The following SERTAD2 variants were observed in gnomAD, a reference collection of about 807,000 sequenced individuals.
The protein encoded by SERTAD2 is SERTA domain-containing protein 2.
A neutral mutation model predicts 15.4 loss-of-function variants in SERTAD2; 2 were observed. The observed-to-expected ratio is 0.13, with a 90% CI of 0.05 to 0.41. The LOEUF is 0.41. SERTAD2 is among the 10% of genes least tolerant of loss of function. The pLI, the probability that SERTAD2 is intolerant of heterozygous loss-of-function variation, is 0.99. For synonymous variants in SERTAD2, 180 were observed against 178.0 expected (o/e 1.01, Z -0.09); for missense variants, 333 against 409.7 (o/e 0.81, Z 1.62).
At chr2:64,644,733 G>C (rs1674857690) in intron 1 of SERTAD2, 1 of 152,352 alleles carries the variant, frequency 6.6e-6, no homozygotes. Context: ...GATACTGGCA[G>C]AATCAGAAAG....
chr2:64,636,887 A>G lies in SERTAD2; in HGVS notation c.-4-12T>C, dbSNP rs1199802663. The G allele has an allele frequency of 6.4e-7, 1 of 1,558,690 alleles. No homozygotes were observed. Among genetic ancestry groups the G allele is most frequent in the Non-Finnish European group, 8.8e-7 (1 of 1,139,402 alleles). ...TACCCAACATATATCTGCAGAGGGG[A>G]GAGAGAGGAAATGGCATTAATCACA... is the stretch of plus-strand genomic sequence containing the variant. On this transcript the variant is annotated splice_polypyrimidine_tract_variant and intron_variant, in intron 1 of 1. Coordinates refer to ENST00000313349, the MANE Select transcript of SERTAD2 (RefSeq NM_014755.3).
At chr2:64,645,974 C>T (rs935878589) in intron 1 of SERTAD2, among the ~76,000 whole-genome samples, 2 of 152,004 alleles carry the variant, frequency 1.3e-5, no homozygotes, top group African/African-American at 4.8e-5. Flanking sequence ...GCTTTGTTTT[C>T]TCAGTTTTAA....
At chr2:64,645,404 C>T (rs1384787779) in intron 1 of SERTAD2, among the ~76,000 whole-genome samples, 2 of 152,138 alleles carry the variant, frequency 1.3e-5, no homozygotes, top group African/African-American at 2.4e-5. Flanking sequence ...AAAAAAAAGC[C>T]TGACGATACA....
intron 1 of SERTAD2, among the ~76,000 whole-genome samples, chr2:64,643,196 T>C (rs1674813134): frequency 6.6e-6 from 1 of 152,226 alleles, no homozygotes; most frequent in Admixed American, 6.5e-5. Context: ...GTTTGTACCT[T>C]GTGTACGTTT....
Position 64,636,716 on chromosome 2 carries a change from C to T in SERTAD2, c.156G>A (p.Arg52=), listed in dbSNP as rs1448878548. 1 of 1,614,028 alleles carries T rather than the reference C, an allele frequency of 6.2e-7. No homozygotes were observed. The highest frequency in any genetic ancestry group is 8.5e-7 in the Non-Finnish European group (1 of 1,180,016). ...NISLMKLYNH[R]PLTEPSLQKT... is the part of the protein sequence containing the mutation. ...TTTGCAAGCTGGGCTCTGTCAGGGGCCTGTGGTTATAGAGTTTCATAAGGG... is the reference window on the plus strand; with the variant it reads ...TTTGCAAGCTGGGCTCTGTCAGGGGTCTGTGGTTATAGAGTTTCATAAGGG... The change falls in exon 2 of 2, where the codon AGG becomes AGA. Residue 52 remains arginine, a synonymous_variant. Coordinates refer to ENST00000313349, the MANE Select transcript of SERTAD2 (RefSeq NM_014755.3).
At chr2:64,637,512 G>A (rs928461812) in intron 1 of SERTAD2, among the ~76,000 whole-genome samples, 5 of 152,142 alleles carry the variant, frequency 3.3e-5, no homozygotes, top group Non-Finnish European at 5.9e-5. Flanking sequence ...CTGAGCCGCC[G>A]CCACTTTTCA....
chr2:64,632,569 C>T lies in SERTAD2; in HGVS notation c.*3358G>A, dbSNP rs986412256. Reference sequence around the variant, plus strand: ...CTCCTTCTGTCATCCAGAGAAAGTGCTACTAAAAAAACTTTAAAAAATATC... The same window carrying T: ...CTCCTTCTGTCATCCAGAGAAAGTGTTACTAAAAAAACTTTAAAAAATATC... On this transcript the variant is annotated 3_prime_UTR_variant, in exon 2 of 2. Coordinates refer to ENST00000313349, the MANE Select transcript of SERTAD2 (RefSeq NM_014755.3). 2 of 152,484 alleles carry T rather than the reference C, an allele frequency of 1.3e-5. No homozygotes were observed. The highest frequency in any genetic ancestry group is 4.8e-5 in the African/African-American group (2 of 41,408). The allele number at this position is 152,484 out of a possible 1,614,324, so 9.4% of individuals were successfully genotyped here. A position where few individuals can be genotyped will look rare whatever the true frequency, so the allele number is the denominator to read the frequency against.
intron 1 of SERTAD2, chr2:64,646,721 T>A (rs1002172964): frequency 2.6e-5 from 4 of 152,216 alleles, no homozygotes; most frequent in African/African-American, 9.7e-5. Context: ...GTACTGTGTA[T>A]AGGAAAGGTT....
intron 1 of SERTAD2, among the ~76,000 whole-genome samples, chr2:64,651,576 A>C (rs1675010261): frequency 6.6e-6 from 1 of 152,230 alleles, no homozygotes; most frequent in Non-Finnish European, 1.5e-5. Flanking sequence ...TACTAGGCTC[A>C]TTATCAGTAA....
Position 64,652,006 on chromosome 2 carries a change from T to A in SERTAD2, c.-5+1614A>T, listed in dbSNP as rs527568111. Among the ~76,000 whole-genome samples the A allele has an allele frequency of 2.0e-5, 3 of 151,834 alleles. No homozygotes were observed. The South Asian group carries it at 6.2e-4, about 32-fold the overall frequency. On this transcript the variant is annotated intron_variant, in intron 1 of 1. Transcript: ENST00000313349. ...GAAACAAGTAAAAAAAAAAAACTGT[T>A]AAAGGATTCCAAACTTAATGAACGA... is the stretch of plus-strand genomic sequence containing the variant.
chr2:64,633,668 G>A lies in SERTAD2; in HGVS notation c.*2259C>T, dbSNP rs1674585733. 1 of 152,198 alleles carries A rather than the reference G, an allele frequency of 6.6e-6. No homozygotes were observed. The highest frequency in any genetic ancestry group is 2.4e-5 in the African/African-American group (1 of 41,452). The allele number at this position is 152,198 out of a possible 1,614,324, so 9.4% of individuals were successfully genotyped here. ...AGCTCTTAAAATTAACAGGCATACTGACACTGGAAGCATCTACTACAACCC... is the reference window on the plus strand; with the variant it reads ...AGCTCTTAAAATTAACAGGCATACTAACACTGGAAGCATCTACTACAACCC... On this transcript the variant is annotated 3_prime_UTR_variant, in exon 2 of 2. Transcript: ENST00000313349.
intron 1 of SERTAD2, among the ~76,000 whole-genome samples, chr2:64,651,835 A>G (rs1325437078): frequency 6.6e-6 from 1 of 152,182 alleles, no homozygotes; most frequent in Non-Finnish European, 1.5e-5. Context: ...TTGGCTTTAC[A>G]AAATGTGAGT....
At chr2:64,652,828 C>T (rs1045349254) in intron 1 of SERTAD2, among the ~76,000 whole-genome samples, 12 of 135,366 alleles carry the variant, frequency 8.9e-5, no homozygotes, top group African/African-American at 3.4e-4. Context: ...CAATCTATTA[C>T]TACCACTTCT....
intron 1 of SERTAD2, chr2:64,646,634 C>T (rs1674908124): frequency 6.6e-6 from 1 of 152,238 alleles, no homozygotes; most frequent in Admixed American, 6.5e-5. Flanking sequence ...CAGGTATCCA[C>T]AGGACACTGC....
chr2:64,641,576 C>T (rs1210947522), intron 1 of SERTAD2, among the ~76,000 whole-genome samples: 2 of 152,078 alleles, frequency 1.3e-5, no homozygotes, highest in East Asian at 1.9e-4. Flanking sequence ...ACTGAATACA[C>T]GAACAGTAAG....
At position 64,636,613 on chromosome 2, in the gene SERTAD2, T is replaced by G. The variant is rs1573082059; in HGVS notation, c.259A>C (p.Thr87Pro). ...KQEGSLRPMFTPSSQPTTEPS... is the reference protein window; with the variant it reads ...KQEGSLRPMFPPSSQPTTEPS... The stretch of plus-strand genomic sequence containing the variant: ...TCGGTGGTGGGCTGGGAGGAGGGGG[T>G]GAACATGGGCCTCAGGCTGCCTTCC... The change falls in exon 2 of 2, where the codon ACC becomes CCC. Residue 87 changes from threonine to proline, a missense_variant. By Grantham distance (38) the Thr-to-Pro change is conservative. This residue lies in a region of SERTAD2 where 332 missense variants were observed against 392.9 expected (regional missense o/e 0.84). Coordinates refer to ENST00000313349, the MANE Select transcript of SERTAD2 (RefSeq NM_014755.3). 1.2e-6 allele frequency: 2 copies of G among 1,607,896 alleles called. No individual in the cohort carries two copies. The highest frequency in any genetic ancestry group is 1.7e-4 in the Middle Eastern group (1 of 6,022).
At chr2:64,645,599 G>C (rs1674886038) in intron 1 of SERTAD2, among the ~76,000 whole-genome samples, 1 of 152,078 alleles carries the variant, frequency 6.6e-6, no homozygotes, top group Admixed American at 6.5e-5. Context: ...TTTTCTCCTA[G>C]TAAAATAATT....
At chr2:64,640,050 TTC>T (rs1674738048) in intron 1 of SERTAD2, among the ~76,000 whole-genome samples, 1 of 152,132 alleles carries the variant, frequency 6.6e-6, no homozygotes, top group African/African-American at 2.4e-5. Context: ...TTGCCACCAT[TTC>T]TCTGTTTTGT....
intron 1 of SERTAD2, among the ~76,000 whole-genome samples, chr2:64,645,134 A>G (rs1674870833): frequency 6.6e-6 from 1 of 152,098 alleles, no homozygotes; most frequent in South Asian, 2.1e-4. Flanking sequence ...AGCCTCCCCT[A>G]ACAAATCAGC....
Sources: gnomAD v4.1 joint callset for allele counts (sites outside exome capture counted in the v4.1 genomes callset) on GRCh38, gnomAD v4.1.1 for gene constraint, gnomAD v4.1.1 regional missense constraint, MANE v1.5 for transcripts, NCBI Gene and HGNC (gene_info 2026-07-23, HGNC 2026-07-21) for gene names.